The following POGLUT3 variants were observed in gnomAD, a reference collection of about 807,000 sequenced individuals.
POGLUT3 encodes the protein KDEL (Lys-Asp-Glu-Leu) containing 2.
POGLUT3 carries 48 observed loss-of-function variants against 54.3 expected under a neutral mutation model. The ratio of observed to expected loss-of-function variants is 0.88; its 90% CI spans 0.70 to 1.12. The LOEUF is 1.12. POGLUT3 is among the 50% of genes most tolerant of loss of function. The pLI is 0.00. For missense variants in POGLUT3, 629 were observed against 618.7 expected (o/e 1.02, Z -0.18); for synonymous variants, 218 against 237.4 (o/e 0.92, Z 0.75).
chr11:108,478,299 C>G (rs1565745640), intron 6 of POGLUT3, among the ~76,000 whole-genome samples: 3 of 152,146 alleles, frequency 2.0e-5, no homozygotes, highest in African/African-American at 7.2e-5. Context: ...GGAAGCCACT[C>G]CTTCTCCCCA....
At chr11:108,482,950 C>T (rs2093595738) in intron 3 of POGLUT3, among the ~76,000 whole-genome samples, 1 of 152,092 alleles carries the variant, frequency 6.6e-6, no homozygotes, top group South Asian at 2.1e-4. Context: ...ACCTGCCAGT[C>T]CATTTCCATC....
Position 108,474,591 on chromosome 11 carries a change from A to G in POGLUT3, c.*236T>C, listed in dbSNP as rs1056569095. The G allele has an allele frequency of 2.5e-5, 8 of 323,694 alleles. No homozygotes were observed. The highest frequency in any genetic ancestry group is 4.3e-5 in the African/African-American group (2 of 47,038). The allele number at this position is 323,694 out of a possible 1,614,324, so 20.1% of individuals were successfully genotyped here. On this transcript the variant is annotated 3_prime_UTR_variant, in exon 8 of 8. Transcript: ENST00000323468. The stretch of plus-strand genomic sequence containing the variant: ...TTGGATCTCATCCCCAAGATACCTC[A>G]TTATGTACATGCAAATATTCCCAAA...
At chr11:108,480,655 T>A (rs2093590583) in intron 5 of POGLUT3, among the ~76,000 whole-genome samples, 1 of 152,122 alleles carries the variant, frequency 6.6e-6, no homozygotes, top group East Asian at 1.9e-4. Context: ...ACATCTCTCC[T>A]CTGGGCCTCG....
intron 1 of POGLUT3, among the ~76,000 whole-genome samples, chr11:108,496,905 C>A (rs558593558): frequency 2.0e-5 from 3 of 152,246 alleles, no homozygotes; most frequent in Non-Finnish European, 4.4e-5. Flanking sequence ...TACTTATTTT[C>A]CCGAACACCA....
intron 2 of POGLUT3, among the ~76,000 whole-genome samples, chr11:108,488,191 T>C (rs959671012): frequency 2.6e-5 from 4 of 151,326 alleles, no homozygotes; most frequent in African/African-American, 9.7e-5. Flanking sequence ...GCCCAACTAA[T>C]TTTTTGTATT....
chr11:108,481,054 T>C (rs988485957), intron 5 of POGLUT3, 126 bp downstream of exon 5: 3 of 692,376 alleles, frequency 4.3e-6, no homozygotes, highest in Non-Finnish European at 7.4e-6. Flanking sequence ...TGATATCTAA[T>C]AAGAAAGTGT....
In POGLUT3 at chr11:108,490,931, C is replaced by T. The variant is rs2093611912; in HGVS notation, c.400+39G>A. 3 of 1,536,880 alleles carry T rather than the reference C, an allele frequency of 2.0e-6. No individual in the cohort carries two copies. The South Asian group carries it at 3.4e-5, about 17-fold the overall frequency. On this transcript the variant is annotated intron_variant, in intron 2 of 7. Transcript: ENST00000323468. ...GCCATTCTGAAAGGCATGGGACCTACACACAAGGCTGACTCTGGAGTATAT... is the reference window on the plus strand; with the variant it reads ...GCCATTCTGAAAGGCATGGGACCTATACACAAGGCTGACTCTGGAGTATAT...
chr11:108,498,167 G>T lies in POGLUT3; in HGVS notation c.200C>A (p.Ala67Glu). The part of the protein sequence containing the change: ...SEGQNLTRSP[A>E]GETPFKVVVK... ...GGAGGCCGGCGGCTGGACACTACCT[G>T]CGGGAGAGCGAGTGAGGTTCTGGCC... is the stretch of plus-strand genomic sequence containing the variant. The change falls in exon 1 of 8, where the codon GCA becomes GAA. Residue 67 changes from alanine to glutamate, a missense_variant and splice_region_variant. Transcript: ENST00000323468. The T allele has an allele frequency of 6.6e-7, 1 of 1,512,622 alleles. No homozygotes were observed. The highest frequency in any genetic ancestry group is 8.8e-7 in the Non-Finnish European group (1 of 1,131,626). The allele number at this position is 1,512,622 out of a possible 1,614,324, so 93.7% of individuals were successfully genotyped here. A position where few individuals can be genotyped will look rare whatever the true frequency, so the allele number is the denominator to read the frequency against.
At chr11:108,494,665 A>G (rs1591646413) in intron 1 of POGLUT3, among the ~76,000 whole-genome samples, 2 of 152,356 alleles carry the variant, frequency 1.3e-5, no homozygotes, top group Admixed American at 1.3e-4. Context: ...TAAGCAAGCC[A>G]TAGTATAAAA....
Position 108,498,277 on chromosome 11 carries a change from C to T in POGLUT3, c.90G>A (p.Pro30=). Residue 30 remains proline (P), a synonymous_variant, in exon 1 of 8, where the codon CCG becomes CCA. Transcript: ENST00000323468. The part of the protein sequence containing the change: ...AGAPEVLVSA[P]RSLVWGPGLQ... The stretch of plus-strand genomic sequence containing the variant: ...GCCCGGGCCCCCACACCAGGCTCCG[C>T]GGCGCGCTGACCAGCACCTCCGGGG... The T allele has an allele frequency of 1.3e-6, 2 of 1,491,814 alleles. No homozygotes were observed. Among genetic ancestry groups the T allele is most frequent in the Non-Finnish European group, 1.8e-6 (2 of 1,120,556 alleles). 92.4% of individuals were successfully genotyped at this position (1,491,814 alleles called of 1,614,324 possible). A position where few individuals can be genotyped will look rare whatever the true frequency, so the allele number is the denominator to read the frequency against.
intron 3 of POGLUT3, among the ~76,000 whole-genome samples, chr11:108,484,514 A>G (rs1241662247): frequency 1.3e-5 from 2 of 152,188 alleles, no homozygotes; most frequent in South Asian, 2.1e-4. Flanking sequence ...CATGCTGAGC[A>G]CTTTGGGAGG....
chr11:108,476,730 G>C (rs1229469291), intron 7 of POGLUT3, among the ~76,000 whole-genome samples: 1 of 151,964 alleles, frequency 6.6e-6, no homozygotes, highest in South Asian at 2.1e-4. Context: ...ACCAATCCTC[G>C]GATTCCCAAT....
chr11:108,474,275 G>GT lies in POGLUT3; in HGVS notation c.*551dup, dbSNP rs2093575889. The GT allele has an allele frequency of 6.6e-6, 1 of 152,170 alleles. No individual in the cohort carries two copies. Among genetic ancestry groups the GT allele is most frequent in the African/African-American group, 2.4e-5 (1 of 41,444 alleles). 9.4% of individuals were successfully genotyped at this position (152,170 alleles called of 1,614,324 possible). A position where few individuals can be genotyped will look rare whatever the true frequency, so the allele number is the denominator to read the frequency against. On this transcript the variant is annotated 3_prime_UTR_variant, in exon 8 of 8. Coordinates refer to ENST00000323468, the MANE Select transcript of POGLUT3 (RefSeq NM_153705.5). ...AGAAACTATGATGCTGATAATAGCA[G>GT]TTTTTACGCAAAAGATATTAATATT...
intron 1 of POGLUT3, 46 bp from the exon 2 acceptor site, chr11:108,491,213 G>A (rs1227803897): frequency 1.4e-6 from 2 of 1,458,180 alleles, no homozygotes; most frequent in African/African-American, 2.8e-5. Context: ...TCATGATAAT[G>A]ATTTACAATT....
chr11:108,485,635 A>ATTTT (rs34279971), intron 3 of POGLUT3, among the ~76,000 whole-genome samples: 21 of 105,730 alleles, frequency 2.0e-4, no homozygotes, highest in African/African-American at 7.2e-4. Context: ...ACTTTATTCT[A>ATTTT]TTTTATTTAT....
chr11:108,495,327 C>T (rs182208486), intron 1 of POGLUT3, among the ~76,000 whole-genome samples: 100 of 152,220 alleles, frequency 6.6e-4, no homozygotes, highest in Admixed American at 1.1e-3. Flanking sequence ...TGCACTACCA[C>T]GCCTGGCTGA....
Position 108,479,496 on chromosome 11 carries a change from C to T in POGLUT3, c.1099-1G>A. The T allele has an allele frequency of 6.3e-7, 1 of 1,578,062 alleles. No individual in the cohort carries two copies. Among genetic ancestry groups the T allele is most frequent in the Non-Finnish European group, 8.6e-7 (1 of 1,167,558 alleles). On this transcript the variant is annotated splice_acceptor_variant, in intron 5 of 7. Coordinates refer to ENST00000323468, the MANE Select transcript of POGLUT3 (RefSeq NM_153705.5). LOFTEE classifies it high-confidence loss of function. ...CATCCACATTTACTTGATACTTGTA[C>T]TGGAAGATGAAAAACAAACATAAAC... is the stretch of plus-strand genomic sequence containing the variant.
chr11:108,487,850 G>C (rs1343183484), intron 2 of POGLUT3, among the ~76,000 whole-genome samples: 1 of 152,060 alleles, frequency 6.6e-6, no homozygotes, highest in Non-Finnish European at 1.5e-5. Flanking sequence ...GACCTCAGGT[G>C]ATCCACCTGC....
chr11:108,486,591 G>A (rs1224448103), intron 2 of POGLUT3, 151 bp from the exon 3 acceptor site: 2 of 743,464 alleles, frequency 2.7e-6, no homozygotes, highest in Non-Finnish European at 4.3e-6. Flanking sequence ...TTATGTTAGA[G>A]TCCTACACTT....
Sources: gnomAD v4.1 joint callset for allele counts (sites outside exome capture counted in the v4.1 genomes callset) on GRCh38, gnomAD v4.1.1 for gene constraint, MANE v1.5 for transcripts, NCBI Gene and HGNC (gene_info 2026-07-23, HGNC 2026-07-21) for gene names.